The following RBM43 variants were observed in gnomAD, a reference collection of about 807,000 sequenced individuals.
The protein encoded by RBM43 is RNA binding motif protein 43.
RBM43 carries 12 observed loss-of-function variants against 12.4 expected under a neutral mutation model. The observed-to-expected ratio is 0.97, with a 90% CI of 0.62 to 1.57. The LOEUF is 1.57. Ranked by LOEUF, RBM43 falls within the 40% of genes most tolerant of loss-of-function variation. The pLI is 0.00. For missense variants in RBM43, 348 were observed against 400.1 expected, an observed-to-expected ratio of 0.87 and a Z score of 1.11; for synonymous variants, 138 against 145.7, an observed-to-expected ratio of 0.95 and a Z score of 0.38.
intron 2 of RBM43, among the ~76,000 whole-genome samples, chr2:151,253,381 T>A (rs1682931091): frequency 6.6e-6 from 1 of 152,186 alleles, no homozygotes; most frequent in South Asian, 2.1e-4. Context: ...AAATTCTATC[T>A]TCAGCCTCGA....
At chr2:151,251,787 GC>G in intron 3 of RBM43, 123 bp from the exon 4 acceptor site, 1 of 924,246 alleles carries the variant, frequency 1.1e-6, no homozygotes, top group Non-Finnish European at 1.6e-6. Context: ...CCAGTTGCCT[GC>G]CCCAGACTTC....
intron 1 of RBM43, among the ~76,000 whole-genome samples, chr2:151,256,512 G>T (rs1325503542): frequency 6.6e-6 from 1 of 152,010 alleles, no homozygotes; most frequent in Non-Finnish European, 1.5e-5. Flanking sequence ...AATCAGGAAA[G>T]TTACCATAAA....
Position 151,248,948 on chromosome 2 carries a change from C to G in RBM43, c.*1958G>C, listed in dbSNP as rs1682855297. 6.6e-6 allele frequency: 1 copy of G among 151,712 alleles called. No homozygotes were observed. Among genetic ancestry groups the G allele is most frequent in the Admixed American group, 6.5e-5 (1 of 15,278 alleles). The allele number at this position is 151,712 out of a possible 1,614,324, so 9.4% of individuals were successfully genotyped here. A position where few individuals can be genotyped will look rare whatever the true frequency, so the allele number is the denominator to read the frequency against. On this transcript the variant is annotated 3_prime_UTR_variant, in exon 4 of 4. Transcript: ENST00000331426. ...AAGGTCCAAACCTCGCAGCTGAGGTCAACAGGGGGAAAATAATTCTACCCA... is the reference window on the plus strand; with the variant it reads ...AAGGTCCAAACCTCGCAGCTGAGGTGAACAGGGGGAAAATAATTCTACCCA...
At chr2:151,254,055 T>C (rs1166674663) in intron 2 of RBM43, among the ~76,000 whole-genome samples, 1 of 152,200 alleles carries the variant, frequency 6.6e-6, no homozygotes, top group Non-Finnish European at 1.5e-5. Context: ...AGCACTTATT[T>C]ATGAATATAT....
chr2:151,251,379 T>C lies in RBM43; in HGVS notation c.601A>G (p.Asn201Asp), dbSNP rs1682901001. 1.2e-6 allele frequency: 2 copies of C among 1,614,206 alleles called. No individual in the cohort carries two copies. Among genetic ancestry groups the C allele is most frequent in the South Asian group, 1.1e-5 (1 of 91,086 alleles). The stretch of plus-strand genomic sequence containing the variant: ...AAGGTCCTGACTGATGCCAAAGAGT[T>C]ATTACTTCTCTGTAGATTCCTCTGG... ...NPQRNLQRSN[N>D]SLASVRTLVP... Residue 201 changes from asparagine (N) to aspartate (D), a missense_variant, in exon 4 of 4, where the codon AAC becomes GAC. Asn to Asp is a conservative substitution (Grantham distance 23, BLOSUM62 1). Transcript: ENST00000331426.
At chr2:151,252,208 A>T (rs1682911499) in intron 3 of RBM43, among the ~76,000 whole-genome samples, 1 of 152,140 alleles carries the variant, frequency 6.6e-6, no homozygotes, top group Non-Finnish European at 1.5e-5. Flanking sequence ...TGACAGTATA[A>T]GCGTTTACCA....
In RBM43 at chr2:151,250,954, G is replaced by GT. The variant is rs1308215581; in HGVS notation, c.1025dup (p.Tyr342Ter). Residue 342 changes from tyrosine to a stop codon, truncating the protein, a stop_gained and frameshift_variant, in exon 4 of 4, where the codon TAC becomes TAAC. Coordinates refer to ENST00000331426, the MANE Select transcript of RBM43 (RefSeq NM_198557.3). LOFTEE classifies it low-confidence loss of function (END_TRUNC). ...IDIIGSSSDTYLFKKGVMKLI... is the reference protein window; with the variant it reads ...IDIIGSSSDT Reference sequence around the variant, plus strand: ...ATTTCATGACCCCTTTTTTAAACAGGTAAGTGTCAGAAGAAGATCCTATAA... The same window carrying GT: ...ATTTCATGACCCCTTTTTTAAACAGGTTAAGTGTCAGAAGAAGATCCTATAA... 1 of 1,606,378 alleles carries GT rather than the reference G, an allele frequency of 6.2e-7. No individual in the cohort carries two copies.
chr2:151,258,259 T>A (rs1683000306), intron 1 of RBM43, among the ~76,000 whole-genome samples: 1 of 151,978 alleles, frequency 6.6e-6, no homozygotes, highest in Non-Finnish European at 1.5e-5. Context: ...GTAAAACAAC[T>A]GCTCCAGCTG....
intron 1 of RBM43, among the ~76,000 whole-genome samples, chr2:151,260,483 A>G (rs1195970091): frequency 6.6e-6 from 1 of 152,204 alleles, no homozygotes; most frequent in Non-Finnish European, 1.5e-5. Flanking sequence ...TGCCCTCATT[A>G]GTACTAATAC....
intron 1 of RBM43, chr2:151,261,128 C>G: frequency 8.7e-7 from 1 of 1,154,482 alleles, no homozygotes; most frequent in Non-Finnish European, 1.2e-6. Context: ...CTTGCCAAGG[C>G]TTTTAAGCGA....
intron 2 of RBM43, among the ~76,000 whole-genome samples, chr2:151,254,012 T>C (rs898599342): frequency 1.3e-5 from 2 of 152,216 alleles, no homozygotes; most frequent in African/African-American, 4.8e-5. Flanking sequence ...TCCGTCATAT[T>C]CTATCCCTTT....
Position 151,255,533 on chromosome 2 carries a change from C to CTTTTTT in RBM43, c.208_213dup (p.Lys70_Lys71dup). 6.3e-7 allele frequency: 1 copy of CTTTTTT among 1,586,520 alleles called. No homozygotes were observed. Among genetic ancestry groups the CTTTTTT allele is most frequent in the Non-Finnish European group, 8.6e-7 (1 of 1,163,684 alleles). ...TTACAAAAATTTGACTTGGAAATAC[C>CTTTTTT]TTTTTTTTCTTTGAATATTACATAT... is the stretch of plus-strand genomic sequence containing the variant. On this transcript the variant is annotated inframe_insertion and splice_region_variant, in exon 2 of 4. Transcript: ENST00000331426.
intron 1 of RBM43, 120 bp downstream of exon 1, chr2:151,261,605 C>G: frequency 2.6e-6 from 4 of 1,537,860 alleles, no homozygotes; most frequent in Non-Finnish European, 3.5e-6. Flanking sequence ...CGTGCGCCGC[C>G]CCCTCCCGCG....
intron 2 of RBM43, 51 bp downstream of exon 2, chr2:151,255,482 A>T: frequency 8.3e-7 from 1 of 1,211,260 alleles, no homozygotes; most frequent in Non-Finnish European, 1.2e-6. Flanking sequence ...TAATTTTTAA[A>T]TTTTATTGAA....
chr2:151,257,648 G>A (rs762518797), intron 1 of RBM43, among the ~76,000 whole-genome samples: 16 of 151,970 alleles, frequency 1.1e-4, no homozygotes, highest in Non-Finnish European at 2.1e-4. Flanking sequence ...AGCCGAGATC[G>A]CCCCATTTCA....
rs1558868676 is a variant in RBM43 at position 151,251,543 on chromosome 2, G to C, written c.437C>G (p.Pro146Arg). 6.2e-7 allele frequency: 1 copy of C among 1,614,024 alleles called. No homozygotes were observed. Among genetic ancestry groups the C allele is most frequent in the Non-Finnish European group, 8.5e-7 (1 of 1,180,002 alleles). ...TCCTTCCACGGAGATTCTTCCATTGGGTTTCAAAGGACTGAAGCTTAAACT... is the reference window on the plus strand; with the variant it reads ...TCCTTCCACGGAGATTCTTCCATTGCGTTTCAAAGGACTGAAGCTTAAACT... ...IPSLSFSPLK[P>R]NGRISVEGSF... The change falls in exon 4 of 4, where the codon CCC becomes CGC. Residue 146 changes from proline (P) to arginine (R), a missense_variant. Pro to Arg is a moderately radical substitution (Grantham distance 103). Transcript: ENST00000331426.
At chr2:151,261,240 T>C in intron 1 of RBM43, 1 of 1,541,564 alleles carries the variant, frequency 6.5e-7, no homozygotes, top group Non-Finnish European at 8.8e-7. Flanking sequence ...CTTCCTGACT[T>C]GCGTCCTTGG....
At chr2:151,253,120 T>A (rs565789040) in intron 2 of RBM43, among the ~76,000 whole-genome samples, 10 of 152,330 alleles carry the variant, frequency 6.6e-5, no homozygotes, top group Non-Finnish European at 1.5e-5. Context: ...TATATCCCCA[T>A]CTCTGTTAAT....
At chr2:151,258,285 T>A (rs1683000465) in intron 1 of RBM43, among the ~76,000 whole-genome samples, 1 of 150,916 alleles carries the variant, frequency 6.6e-6, no homozygotes, top group African/African-American at 2.4e-5. Context: ...TCACATTCCC[T>A]ACCCCCAGTG....
Sources: allele counts gnomAD v4.1 joint callset (sites outside exome capture counted in the v4.1 genomes callset), GRCh38; gene constraint gnomAD v4.1.1; transcripts MANE v1.5; gene names NCBI Gene and HGNC (gene_info 2026-07-23, HGNC 2026-07-21).